Variants in DDX17 observed in about 807,000 individuals in gnomAD.
DDX17 encodes probable ATP-dependent RNA helicase DDX17.
In DDX17, 10 loss-of-function variants were observed where a neutral mutation model predicts 80.8. That is an observed-to-expected ratio of 0.12 (90% CI 0.08 to 0.21). The LOEUF (loss-of-function observed/expected upper bound fraction) is 0.21, where lower values mean the gene tolerates loss of function less well. Ranked by LOEUF, DDX17 falls within the 10% of genes least tolerant of loss-of-function variation. DDX17 has a pLI of 1.00. For missense variants in DDX17, 586 were observed against 957.4 expected, an observed-to-expected ratio of 0.61 and a Z score of 5.12; for synonymous variants, 339 against 336.2, an observed-to-expected ratio of 1.01 and a Z score of -0.09.
chr22:38,485,818 A>T lies in DDX17; in HGVS notation c.*117T>A, dbSNP rs2089650931. 2.2e-6 allele frequency: 2 copies of T among 892,200 alleles called. No homozygotes were observed. Among genetic ancestry groups the T allele is most frequent in the Non-Finnish European group, 2.7e-6 (2 of 731,028 alleles). 55.3% of individuals were successfully genotyped at this position (892,200 alleles called of 1,614,324 possible). On this transcript the variant is annotated 3_prime_UTR_variant, in exon 13 of 13. Coordinates refer to ENST00000403230, the MANE Select transcript of DDX17 (RefSeq NM_006386.5). Reference sequence around the variant, plus strand: ...ATCACGATGGTTGGGGGGAAAAATTAAAAAAAAAAAAAGAAAAAAGGAAAA... The same window carrying T: ...ATCACGATGGTTGGGGGGAAAAATTTAAAAAAAAAAAAGAAAAAAGGAAAA...
chr22:38,485,684 A>C lies in DDX17; in HGVS notation c.*251T>G. ...TAATCTCTTCCAGTCAGCTATATAT[A>C]TATATATATATTTTTTTTTTTTTTA... On this transcript the variant is annotated 3_prime_UTR_variant, in exon 13 of 13. Coordinates refer to ENST00000403230, the MANE Select transcript of DDX17 (RefSeq NM_006386.5). 2.0e-5 allele frequency: 1 copy of C among 49,712 alleles called. No homozygotes were observed. The highest frequency in any genetic ancestry group is 4.5e-5 in the Non-Finnish European group (1 of 22,020). 3.1% of individuals were successfully genotyped at this position (49,712 alleles called of 1,614,324 possible). A position where few individuals can be genotyped will look rare whatever the true frequency, so the allele number is the denominator to read the frequency against.
chr22:38,506,289 T>G lies in DDX17; in HGVS notation c.-52A>C. On this transcript the variant is annotated 5_prime_UTR_variant, in exon 1 of 13. Transcript: ENST00000403230. Reference sequence around the variant, plus strand: ...GCCGCGGTTTAGGCGTCTCCTTCCTTCCCAGCGACTGCACAAAATGGCGGC... The same window carrying G: ...GCCGCGGTTTAGGCGTCTCCTTCCTGCCCAGCGACTGCACAAAATGGCGGC... The G allele has an allele frequency of 2.0e-6, 3 of 1,503,884 alleles. No homozygotes were observed. The highest frequency in any genetic ancestry group is 2.7e-6 in the Non-Finnish European group (3 of 1,128,476). The allele number at this position is 1,503,884 out of a possible 1,614,324, so 93.2% of individuals were successfully genotyped here. A position where few individuals can be genotyped will look rare whatever the true frequency, so the allele number is the denominator to read the frequency against.
intron 12 of DDX17, 137 bp from the exon 13 acceptor site, chr22:38,486,577 A>T: frequency 7.7e-7 from 1 of 1,292,800 alleles, no homozygotes; most frequent in South Asian, 1.6e-5. Flanking sequence ...CCCAATTAGT[A>T]CTGTAAAAAT....
intron 11 of DDX17, chr22:38,490,681 A>G (rs1384402518): frequency 3.3e-6 from 1 of 301,272 alleles, no homozygotes; most frequent in East Asian, 9.3e-5. Context: ...TCTATGAGGT[A>G]GAAGCCTTCA....
intron 11 of DDX17, chr22:38,490,136 A>G: frequency 8.6e-7 from 1 of 1,156,680 alleles, no homozygotes; most frequent in East Asian, 6.3e-5. Flanking sequence ...CACAGGAGCA[A>G]GCGCAGAATT....
intron 5 of DDX17, among the ~76,000 whole-genome samples, chr22:38,496,304 C>A: frequency 6.6e-6 from 1 of 152,116 alleles, no homozygotes; most frequent in Non-Finnish European, 1.5e-5. Flanking sequence ...CCAAAATGCT[C>A]CAGCAAGCAT....
intron 1 of DDX17, among the ~76,000 whole-genome samples, chr22:38,503,606 T>C (rs2089851958): frequency 6.6e-6 from 1 of 152,378 alleles, no homozygotes; most frequent in South Asian, 2.1e-4. Context: ...AGCATATCCA[T>C]GCCATCTTTA....
intron 5 of DDX17, among the ~76,000 whole-genome samples, chr22:38,497,867 C>CT (rs1569141283): frequency 1.3e-5 from 2 of 152,154 alleles, no homozygotes; most frequent in Non-Finnish European, 2.9e-5. Flanking sequence ...TGCATGGTTT[C>CT]TTTAAGAGTA....
intron 11 of DDX17, 163 bp from the exon 12 acceptor site, chr22:38,488,278 C>A: frequency 6.6e-7 from 1 of 1,524,654 alleles, no homozygotes; most frequent in African/African-American, 1.4e-5. Flanking sequence ...AGACTCATCC[C>A]AACAGAGTAA....
At chr22:38,495,965 C>T (rs1185318403) in intron 5 of DDX17, 28 bp from the exon 6 acceptor site, 3 of 1,365,402 alleles carry the variant, frequency 2.2e-6, no homozygotes, top group Non-Finnish European at 2.9e-6. Context: ...ACACTTGAGA[C>T]CTCATCCAAG....
Position 38,489,689 on chromosome 22 carries a change from C to A in DDX17, c.1448-1574G>T. The stretch of plus-strand genomic sequence containing the variant: ...GGGGCATTATGTCTGTTTCTTATTA[C>A]AATAAAGGCTCCTCGGTCTTTACTG... On this transcript the variant is annotated intron_variant, in intron 11 of 12. Coordinates refer to ENST00000403230, the MANE Select transcript of DDX17 (RefSeq NM_006386.5). The surrounding 1 kb of genome is among the most constrained non-coding windows in gnomAD (Gnocchi z 4.6). 1.0e-6 allele frequency: 1 copy of A among 985,084 alleles called. No individual in the cohort carries two copies. Among genetic ancestry groups the A allele is most frequent in the Non-Finnish European group, 1.2e-6 (1 of 829,890 alleles). The allele number at this position is 985,084 out of a possible 1,614,324, so 61.0% of individuals were successfully genotyped here.
chr22:38,496,392 G>C (rs1001360862), intron 5 of DDX17, among the ~76,000 whole-genome samples: 4 of 152,176 alleles, frequency 2.6e-5, no homozygotes, highest in African/African-American at 9.7e-5. Flanking sequence ...CTATCGCCCA[G>C]GCTGGAGTGC....
At chr22:38,488,706 T>C (rs1437901534) in intron 11 of DDX17, 7 of 987,878 alleles carry the variant, frequency 7.1e-6, no homozygotes, top group Non-Finnish European at 8.4e-6. Flanking sequence ...AGAAACTGAG[T>C]AGAGCCAAAG....
At chr22:38,495,409 C>T (rs774659835) in intron 6 of DDX17, among the ~76,000 whole-genome samples, 1 of 152,046 alleles carries the variant, frequency 6.6e-6, no homozygotes, top group Non-Finnish European at 1.5e-5. Context: ...CCACGCCTGG[C>T]TAATTTTTCG....
chr22:38,493,507 ATATTATCT>A (rs2089732696), intron 10 of DDX17, 195 bp downstream of exon 10: 1 of 567,850 alleles, frequency 1.8e-6, no homozygotes, highest in South Asian at 2.3e-5. Context: ...ACTTCTTTAC[ATATTATCT>A]ACAGCCTACA....
At chr22:38,495,511 C>T (rs775564812) in intron 6 of DDX17, among the ~76,000 whole-genome samples, 3 of 152,176 alleles carry the variant, frequency 2.0e-5, no homozygotes, top group Admixed American at 6.5e-5. Flanking sequence ...TCCCAAAGTG[C>T]TGGGATTACA....
At chr22:38,492,224 T>C (rs2089720346) in intron 10 of DDX17, 109 bp from the exon 11 acceptor site, 1 of 809,042 alleles carries the variant, frequency 1.2e-6, no homozygotes, top group Non-Finnish European at 1.9e-6. Flanking sequence ...TCCCAAGCTC[T>C]TGTAATGACT....
intron 12 of DDX17, 92 bp downstream of exon 12, chr22:38,487,787 A>G: frequency 7.7e-7 from 1 of 1,302,236 alleles, no homozygotes. Context: ...ACATACTTAC[A>G]GCCTTCTTAA....
In DDX17 at chr22:38,495,881, A is replaced by G. The variant is rs776857067; in HGVS notation, c.795T>C (p.Asp265=). The G allele has an allele frequency of 5.6e-6, 9 of 1,612,342 alleles. No individual in the cohort carries two copies. Among genetic ancestry groups the G allele is most frequent in the Non-Finnish European group, 6.8e-6 (8 of 1,179,264 alleles). Residue 265 remains aspartate, a synonymous_variant, in exon 6 of 13, where the codon GAT becomes GAC. Coordinates refer to ENST00000403230, the MANE Select transcript of DDX17 (RefSeq NM_006386.5). ...TCAATCTAGAACATTTGCCATAGTC[A>G]TCGGCCACCTGCTGTACTTGCTGGG...
Sources: allele counts gnomAD v4.1 joint callset (sites outside exome capture counted in the v4.1 genomes callset), GRCh38; gene constraint gnomAD v4.1.1; non-coding constraint Gnocchi (gnomAD v3.1); transcripts MANE v1.5; gene names NCBI Gene and HGNC (gene_info 2026-07-23, HGNC 2026-07-21).